Variants in PATJ observed in about 807,000 individuals in gnomAD.
PATJ encodes inaD-like protein.
In PATJ, 190 loss-of-function variants were observed where a neutral mutation model predicts 224.9. That is an observed-to-expected ratio of 0.84 (90% CI 0.75 to 0.95). The LOEUF (loss-of-function observed/expected upper bound fraction) is 0.95, where lower values mean the gene tolerates loss of function less well. Ranked by LOEUF, PATJ falls within the 40% of genes least tolerant of loss-of-function variation. PATJ has a pLI of 0.00. For missense variants in PATJ, 2,121 were observed against 2,270.3 expected (o/e 0.93, Z 1.34); for synonymous variants, 769 against 820.3 (o/e 0.94, Z 1.07).
chr1:62,047,122 A>G (rs750650106), intron 30 of PATJ, among the ~76,000 whole-genome samples: 39 of 152,222 alleles, frequency 2.6e-4, no homozygotes, highest in Non-Finnish European at 5.1e-4. Context: ...GCATAATTAG[A>G]TGAATGTTTT....
At chr1:61,913,992 C>T (rs1673063024) in intron 25 of PATJ, among the ~76,000 whole-genome samples, 1 of 152,208 alleles carries the variant, frequency 6.6e-6, no homozygotes, top group Non-Finnish European at 1.5e-5. Flanking sequence ...CAGAAACCTG[C>T]ATTTTTATGC....
chr1:62,112,947 G>A (rs1664027588), intron 34 of PATJ, among the ~76,000 whole-genome samples: 1 of 152,162 alleles, frequency 6.6e-6, no homozygotes, highest in African/African-American at 2.4e-5. Flanking sequence ...TGTAACCTGG[G>A]TCAAGTCCCT....
At position 61,864,354 on chromosome 1, in the gene PATJ, G is replaced by A; in HGVS notation, c.2556G>A (p.Glu852=). 2 of 1,614,088 alleles carry A rather than the reference G, an allele frequency of 1.2e-6. No homozygotes were observed. The highest frequency in any genetic ancestry group is 1.1e-5 in the South Asian group (1 of 91,086). The change falls in exon 20 of 44, where the codon GAG becomes GAA. Residue 852 remains glutamate (E), a synonymous_variant. Coordinates refer to ENST00000642238, the MANE Select transcript of PATJ (RefSeq NM_001350145.3). ...TAGAGCAAAGCAAGGAGGCCTGGGA[G>A]ATGCATGAATTTCTGACTCCTAGAT... ...KEIEQSKEAW[E]MHEFLTPRLQ...
At chr1:61,957,390 AATC>A (rs1371684901) in intron 27 of PATJ, among the ~76,000 whole-genome samples, 1 of 152,228 alleles carries the variant, frequency 6.6e-6, no homozygotes, top group African/African-American at 2.4e-5. Context: ...ATTTTTCTAT[AATC>A]ATAAAGGAAT....
At chr1:62,157,914 A>T (rs146854027) in intron 43 of PATJ, among the ~76,000 whole-genome samples, 1 of 148,854 alleles carries the variant, frequency 6.7e-6, no homozygotes, top group Non-Finnish European at 1.5e-5. Context: ...CCCTAAGCCA[A>T]TAAGAGATTG....
At chr1:61,887,090 A>G (rs1571121732) in intron 22 of PATJ, among the ~76,000 whole-genome samples, 1 of 152,116 alleles carries the variant, frequency 6.6e-6, no homozygotes. Context: ...TACAACATTT[A>G]TATTATATAT....
chr1:62,140,790 T>G (rs962920668), intron 41 of PATJ, among the ~76,000 whole-genome samples: 3 of 134,266 alleles, frequency 2.2e-5, no homozygotes, highest in African/African-American at 8.4e-5. Context: ...ACGCCTGTAT[T>G]CCCAGCTACT....
At chr1:61,759,020 G>A (rs1645808468) in intron 1 of PATJ, among the ~76,000 whole-genome samples, 1 of 152,150 alleles carries the variant, frequency 6.6e-6, no homozygotes, top group South Asian at 2.1e-4. Flanking sequence ...AATTAAGGGA[G>A]ACCAGATATA....
rs77490998 is a variant in PATJ, at chr1:61,987,439, G to A, written c.3671-2729G>A. On this transcript the variant is annotated intron_variant, in intron 27 of 43. Transcript: ENST00000642238. ...AGATGCCTTATTACTTTCTGAGAGA[G>A]GTGTGTTAAAATTGGTGTTTCATGT... is the stretch of plus-strand genomic sequence containing the variant. Among the ~76,000 whole-genome samples the A allele has an allele frequency of 7.5e-3, 1,137 of 152,060 alleles. 16 individuals are homozygous for A. The highest frequency in any genetic ancestry group is 0.026 in the African/African-American group (1,072 of 41,478).
At chr1:61,754,520 G>GTTT (rs548557219) in intron 1 of PATJ, among the ~76,000 whole-genome samples, 141 of 94,396 alleles carry the variant, frequency 1.5e-3, no homozygotes, top group African/African-American at 2.7e-3. Context: ...TTTTTTGCAT[G>GTTT]TTTTTTTTTT....
intron 32 of PATJ, 47 bp from the exon 33 acceptor site, chr1:62,084,468 G>A (rs757590409): frequency 1.3e-6 from 2 of 1,579,918 alleles, no homozygotes; most frequent in Admixed American, 1.9e-5. Flanking sequence ...TGCAGGCTGA[G>A]CTGCAGCTCT....
chr1:62,140,007 G>A (rs929813531), intron 41 of PATJ, among the ~76,000 whole-genome samples: 8 of 152,054 alleles, frequency 5.3e-5, no homozygotes, highest in Non-Finnish European at 1.2e-4. Context: ...TGATCTGCCT[G>A]CCTGGGCCTC....
chr1:62,113,791 G>A (rs2476191), intron 34 of PATJ, among the ~76,000 whole-genome samples: 66,266 of 152,088 alleles, frequency 0.44, 16,999 homozygotes, highest in Non-Finnish European at 0.58. Flanking sequence ...CTCTTTCATT[G>A]ATTTCACAGT....
At chr1:62,074,762 G>A (rs900493554) in intron 31 of PATJ, among the ~76,000 whole-genome samples, 2 of 152,088 alleles carry the variant, frequency 1.3e-5, no homozygotes, top group Non-Finnish European at 2.9e-5. Context: ...TCAGGAGTTC[G>A]AGACCAGCCT....
intron 1 of PATJ, among the ~76,000 whole-genome samples, chr1:61,755,257 C>T (rs12730467): frequency 0.091 from 13,626 of 149,006 alleles, 664 homozygotes; most frequent in Middle Eastern, 0.12. Context: ...TACAGTGAAC[C>T]GAGATGGCGC....
At chr1:61,775,412 G>A (rs1198498093) in intron 7 of PATJ, 78 bp downstream of exon 7, 2 of 1,251,754 alleles carry the variant, frequency 1.6e-6, no homozygotes, top group Non-Finnish European at 2.3e-6. Context: ...TTTATAACAT[G>A]AGTTACCAGG....
At chr1:61,790,040 T>C (rs1231122141) in intron 8 of PATJ, among the ~76,000 whole-genome samples, 1 of 151,802 alleles carries the variant, frequency 6.6e-6, no homozygotes, top group Non-Finnish European at 1.5e-5. Context: ...AAGATGAGTA[T>C]TGAAAGTAAG....
rs182475831 is a variant in PATJ, at chr1:62,035,595, A to G, written c.3960-2382A>G. ...AGAGTTGTCATTACATCCCACCCCAACCCACCCCACCATTCATTCATTTTT... is the reference window on the plus strand; with the variant it reads ...AGAGTTGTCATTACATCCCACCCCAGCCCACCCCACCATTCATTCATTTTT... On this transcript the variant is annotated intron_variant, in intron 29 of 43. Coordinates refer to ENST00000642238, the MANE Select transcript of PATJ (RefSeq NM_001350145.3). 8.3e-3 allele frequency among the ~76,000 whole-genome samples: 1,187 copies of G among 142,788 alleles called. 6 individuals are homozygous for G. Among genetic ancestry groups the G allele is most frequent in the Non-Finnish European group, 0.013 (870 of 65,656 alleles). 93.7% of individuals were successfully genotyped at this position (142,788 alleles called of 152,430 possible).
intron 13 of PATJ, among the ~76,000 whole-genome samples, chr1:61,806,978 C>T (rs1653703101): frequency 6.6e-6 from 1 of 151,868 alleles, no homozygotes; most frequent in African/African-American, 2.4e-5. Context: ...ATGGTGAAAC[C>T]TTGTATCTAC....
Sources: gnomAD v4.1 joint callset for allele counts (sites outside exome capture counted in the v4.1 genomes callset) on GRCh38, gnomAD v4.1.1 for gene constraint, MANE v1.5 for transcripts, NCBI Gene and HGNC (gene_info 2026-07-23, HGNC 2026-07-21) for gene names.